DNAH12: variants seen among roughly 807,000 people sequenced by gnomAD.
DNAH12 encodes dynein axonemal heavy chain 12, also known as axonemal beta dynein heavy chain 12.
Under a neutral mutation model 371.5 loss-of-function variants are expected in DNAH12, and 285 were observed. That is an observed-to-expected ratio of 0.77 (90% CI 0.70 to 0.85). The LOEUF is 0.85. DNAH12 is among the 40% of genes least tolerant of loss of function. The pLI, the probability that DNAH12 is intolerant of heterozygous loss-of-function variation, is 0.00. For missense variants in DNAH12, 3,611 were observed against 3,689.4 expected (o/e 0.98, Z 0.55); for synonymous variants, 1,200 against 1,213.0 (o/e 0.99, Z 0.22).
chr3:57,297,839 G>C (rs978415462), intron 70 of DNAH12, among the ~76,000 whole-genome samples: 1 of 152,170 alleles, frequency 6.6e-6, no homozygotes, highest in African/African-American at 2.4e-5. Context: ...ATCAGACGTA[G>C]CATCTTGCAT....
At chr3:57,298,274 A>C (rs2061275366) in intron 70 of DNAH12, among the ~76,000 whole-genome samples, 1 of 152,188 alleles carries the variant, frequency 6.6e-6, no homozygotes, top group Non-Finnish European at 1.5e-5. Flanking sequence ...CATGTGACCC[A>C]ATCAAAGCCA....
intron 11 of DNAH12, among the ~76,000 whole-genome samples, chr3:57,500,797 C>A (rs1194203876): frequency 6.6e-6 from 1 of 152,054 alleles, no homozygotes; most frequent in Non-Finnish European, 1.5e-5. Context: ...CGCCCTGTTG[C>A]CCAGCTGGAG....
intron 30 of DNAH12, among the ~76,000 whole-genome samples, chr3:57,435,357 C>A (rs1309486851): frequency 2.5e-5 from 3 of 119,582 alleles, no homozygotes; most frequent in Non-Finnish European, 3.4e-5. Flanking sequence ...GGGTGATAGA[C>A]CAAGACTCTG....
chr3:57,533,102 C>G (rs746673521), intron 2 of DNAH12, among the ~76,000 whole-genome samples: 23 of 152,216 alleles, frequency 1.5e-4, no homozygotes, highest in African/African-American at 5.3e-4. Context: ...GAGCCTCACC[C>G]CACGGCCACC....
rs534058682 is a variant in DNAH12, at chr3:57,304,182, G to T, written c.11190-2243C>A. ...GACAAAACCTCTCTTTTCGGACTCA[G>T]CCTGCGTGCACCCAGGTGATTAAAA... On this transcript the variant is annotated intron_variant, in intron 69 of 73. Transcript: ENST00000495027. Among the ~76,000 whole-genome samples the T allele has an allele frequency of 7.9e-5, 12 of 152,078 alleles. No individual in the cohort carries two copies. The East Asian group carries it at 9.7e-4, about 12-fold the overall frequency.
At chr3:57,517,580 AAG>A (rs1159098786) in intron 4 of DNAH12, among the ~76,000 whole-genome samples, 1 of 152,182 alleles carries the variant, frequency 6.6e-6, no homozygotes, top group Non-Finnish European at 1.5e-5. Context: ...GAAAAAAAGA[AAG>A]AAAAAATGAA....
intron 33 of DNAH12, among the ~76,000 whole-genome samples, chr3:57,429,485 A>C (rs2064889312): frequency 6.6e-6 from 1 of 152,056 alleles, no homozygotes; most frequent in African/African-American, 2.4e-5. Flanking sequence ...CATCCTCTTC[A>C]CACTCTTAAA....
intron 17 of DNAH12, among the ~76,000 whole-genome samples, chr3:57,468,209 A>G (rs2066259913): frequency 6.6e-6 from 1 of 152,162 alleles, no homozygotes; most frequent in African/African-American, 2.4e-5. Flanking sequence ...CAAGTGACAG[A>G]GACCCAATTC....
At chr3:57,366,129 A>G (rs2063046502) in intron 57 of DNAH12, among the ~76,000 whole-genome samples, 1 of 152,136 alleles carries the variant, frequency 6.6e-6, no homozygotes, top group African/African-American at 2.4e-5. Context: ...GATAAAACAG[A>G]TTACAGTAAA....
chr3:57,428,215 G>T, intron 34 of DNAH12: 1 of 493,326 alleles, frequency 2.0e-6, no homozygotes, highest in Non-Finnish European at 3.3e-6. Flanking sequence ...ATAGGAGTGA[G>T]CCACCGTGGC....
At chr3:57,384,065 C>T (rs889387636) in intron 49 of DNAH12, among the ~76,000 whole-genome samples, 15 of 152,246 alleles carry the variant, frequency 9.9e-5, no homozygotes, top group Admixed American at 2.6e-4. Flanking sequence ...CCCTAGTCAA[C>T]AGATGTTATC....
intron 13 of DNAH12, among the ~76,000 whole-genome samples, chr3:57,474,400 G>A (rs531800145): frequency 3.3e-5 from 5 of 152,190 alleles, no homozygotes; most frequent in South Asian, 2.1e-4. Flanking sequence ...AGGTTCAAGC[G>A]ATTCTCTTGC....
chr3:57,552,631 A>G, the DNAH12 span, among the ~76,000 whole-genome samples: 1 of 152,186 alleles, frequency 6.6e-6, no homozygotes, highest in African/African-American at 2.4e-5. Flanking sequence ...GCCACCAGGT[A>G]TAGTGTCTCA....
chr3:57,553,522 C>T, the DNAH12 span, among the ~76,000 whole-genome samples: 1 of 152,168 alleles, frequency 6.6e-6, no homozygotes, highest in African/African-American at 2.4e-5. Context: ...CTCAGCTTTA[C>T]ATGCAGCTGG....
In DNAH12 at chr3:57,355,734, T is replaced by C. The variant is rs1046131404; in HGVS notation, c.9533+1442A>G. ...TCTTTAACTTGAATTTCCTTCATCA[T>C]ATGGGTTGTATAAATTCAAATTCCA... On this transcript the variant is annotated intron_variant, in intron 59 of 73. Coordinates refer to ENST00000495027, the MANE Select transcript of DNAH12 (RefSeq NM_001366028.2). 6.8e-3 allele frequency among the ~76,000 whole-genome samples: 1,029 copies of C among 152,310 alleles called. 8 individuals carry two copies. Among genetic ancestry groups the C allele is most frequent in the African/African-American group, 0.023 (957 of 41,552 alleles).
chr3:57,322,860 G>A (rs2061839939), intron 64 of DNAH12, 147 bp downstream of exon 64: 1 of 1,139,816 alleles, frequency 8.8e-7, no homozygotes, highest in Non-Finnish European at 1.2e-6. Context: ...AACCCGGGAG[G>A]CGAAGTTTGC....
At chr3:57,392,171 T>C (rs2063638205) in intron 44 of DNAH12, 105 bp from the exon 45 acceptor site, 3 of 152,134 alleles carry the variant, frequency 2.0e-5, no homozygotes, top group Non-Finnish European at 1.5e-5. Context: ...ACCCTGTAAA[T>C]ATCTGTAAAA....
chr3:57,406,061 T>C (rs1270884551), intron 40 of DNAH12, 109 bp from the exon 41 acceptor site: 1 of 1,224,936 alleles, frequency 8.2e-7, no homozygotes, highest in African/African-American at 1.5e-5. Flanking sequence ...TCAGATTATA[T>C]GGGCTTGGGC....
chr3:57,299,721 A>T (rs927763613), intron 70 of DNAH12, among the ~76,000 whole-genome samples: 3 of 152,178 alleles, frequency 2.0e-5, no homozygotes, highest in African/African-American at 7.2e-5. Context: ...TTTTTCTCTC[A>T]TCGTGAACCA....
Sources: allele counts gnomAD v4.1 joint callset (sites outside exome capture counted in the v4.1 genomes callset), GRCh38; gene constraint gnomAD v4.1.1; transcripts MANE v1.5; gene names NCBI Gene and HGNC (gene_info 2026-07-23, HGNC 2026-07-21).